B3GALT5: variants seen among roughly 807,000 people sequenced by gnomAD.
The protein encoded by B3GALT5 is UDP-Gal:betaGlcNAc beta 1,3-galactosyltransferase, polypeptide 5.
For synonymous variants in B3GALT5, 156 were observed against 158.6 expected, an observed-to-expected ratio of 0.98 and a Z score of 0.12; for missense variants, 328 against 396.6, an observed-to-expected ratio of 0.83 and a Z score of 1.47.
intron 1 of B3GALT5, among the ~76,000 whole-genome samples, chr21:39,629,905 C>A (rs1274366425): frequency 2.0e-5 from 3 of 152,078 alleles, no homozygotes; most frequent in African/African-American, 7.2e-5. Flanking sequence ...GTTATAATAC[C>A]AGTAATGCTG....
chr21:39,655,943 G>A (rs980468627), intron 2 of B3GALT5, among the ~76,000 whole-genome samples: 1 of 152,208 alleles, frequency 6.6e-6, no homozygotes, highest in African/African-American at 2.4e-5. Context: ...CCACTGAAAT[G>A]TTAAGGTGGG....
At chr21:39,617,114 T>C (rs1018132936) in intron 1 of B3GALT5, among the ~76,000 whole-genome samples, 1 of 152,198 alleles carries the variant, frequency 6.6e-6, no homozygotes, top group African/African-American at 2.4e-5. Flanking sequence ...TTTCATCCCT[T>C]CTCACTATCC....
chr21:39,624,665 GACAA>G (rs917072653), intron 1 of B3GALT5, among the ~76,000 whole-genome samples: 1 of 152,206 alleles, frequency 6.6e-6, no homozygotes, highest in Non-Finnish European at 1.5e-5. Context: ...ACATTCCATA[GACAA>G]TGCTGCACAG....
intron 1 of B3GALT5, among the ~76,000 whole-genome samples, chr21:39,645,842 C>T (rs1460411454): frequency 6.6e-6 from 1 of 151,986 alleles, no homozygotes; most frequent in Admixed American, 6.6e-5. Flanking sequence ...CTGTCCCGAC[C>T]CGGGGCAGAT....
At chr21:39,634,305 G>A (rs1000645588) in intron 1 of B3GALT5, among the ~76,000 whole-genome samples, 2 of 152,162 alleles carry the variant, frequency 1.3e-5, no homozygotes, top group Non-Finnish European at 2.9e-5. Flanking sequence ...AGAATAGGGT[G>A]GGAGGGAAAT....
chr21:39,613,788 T>C (rs1159326721), intron 1 of B3GALT5, among the ~76,000 whole-genome samples: 1 of 152,230 alleles, frequency 6.6e-6, no homozygotes, highest in Non-Finnish European at 1.5e-5. Context: ...GGTTTCTGAC[T>C]CTTGAGGGAT....
In B3GALT5 at chr21:39,660,798, G is replaced by T. The variant is rs900288886; in HGVS notation, c.239G>T (p.Trp80Leu). ...LAERMAIRQT[W>L]GKERMVKGKQ... ...GAGCGCATGGCCATCCGGCAGACGT[G>T]GGGGAAAGAGAGGATGGTGAAGGGA... Residue 80 changes from tryptophan (W) to leucine (L), a missense_variant, in exon 4 of 4, where the codon TGG becomes TTG. Trp to Leu is a moderately conservative substitution (Grantham distance 61). Coordinates refer to ENST00000684187, the MANE Select transcript of B3GALT5 (RefSeq NM_001356336.2). The T allele has an allele frequency of 1.3e-6, 2 of 1,583,548 alleles. No individual in the cohort carries two copies. Among genetic ancestry groups the T allele is most frequent in the Non-Finnish European group, 1.7e-6 (2 of 1,165,014 alleles).
At chr21:39,623,263 C>T (rs867879933) in intron 1 of B3GALT5, among the ~76,000 whole-genome samples, 12 of 132,436 alleles carry the variant, frequency 9.1e-5, no homozygotes, top group African/African-American at 3.4e-4. Flanking sequence ...TCCTTCCTTC[C>T]TTCCTTCCTT....
rs1355566260 is a variant in B3GALT5, at chr21:39,661,919, C to T, written c.*427C>T. ...CAGCCCCTGACTTGAACCACTCCCA[C>T]GTGCTGCCTCCCTTAGGAGGGGACA... On this transcript the variant is annotated 3_prime_UTR_variant, in exon 4 of 4. Transcript: ENST00000684187. This position sits in a 1 kb window ranked among gnomAD's most constrained non-coding sequence, Gnocchi z 4.7. The T allele has an allele frequency of 5.9e-6, 1 of 169,802 alleles. No individual in the cohort carries two copies. The highest frequency in any genetic ancestry group is 1.4e-5 in the Non-Finnish European group (1 of 70,086). The allele number at this position is 169,802 out of a possible 1,614,324, so 10.5% of individuals were successfully genotyped here. A position where few individuals can be genotyped will look rare whatever the true frequency, so the allele number is the denominator to read the frequency against.
chr21:39,657,870 C>G (rs2079463995), intron 2 of B3GALT5: 2 of 1,231,830 alleles, frequency 1.6e-6, no homozygotes, highest in East Asian at 3.2e-5. Flanking sequence ...GCCATACAGC[C>G]TGGTGGTCTA....
In B3GALT5 at chr21:39,661,632, T is replaced by C. The variant is rs2146222489; in HGVS notation, c.*140T>C. ...CGCCAGAATGTCGGTGTTCATGAAG[T>C]CACTGATTAGTTCCCACTTGGTGCC... is the stretch of plus-strand genomic sequence containing the variant. On this transcript the variant is annotated 3_prime_UTR_variant, in exon 4 of 4. Transcript: ENST00000684187. This position sits in a 1 kb window ranked among gnomAD's most constrained non-coding sequence, Gnocchi z 4.7. 1 of 840,440 alleles carries C rather than the reference T, an allele frequency of 1.2e-6. No individual in the cohort carries two copies. Among genetic ancestry groups the C allele is most frequent in the East Asian group, 2.9e-5 (1 of 34,898 alleles). The allele number at this position is 840,440 out of a possible 1,614,324, so 52.1% of individuals were successfully genotyped here.
At position 39,664,738 on chromosome 21, in the gene B3GALT5, G is replaced by A. The variant is rs1332684898; in HGVS notation, c.*3246G>A. On this transcript the variant is annotated 3_prime_UTR_variant, in exon 4 of 4. Coordinates refer to ENST00000684187, the MANE Select transcript of B3GALT5 (RefSeq NM_001356336.2). Reference sequence around the variant, plus strand: ...GGCACCCACCACCCCCTGTGGCTGGGTCCTGTGGGCAGTTCTTGTTCTCCT... The same window carrying A: ...GGCACCCACCACCCCCTGTGGCTGGATCCTGTGGGCAGTTCTTGTTCTCCT... 1.3e-5 allele frequency: 2 copies of A among 152,452 alleles called. No homozygotes were observed. Among genetic ancestry groups the A allele is most frequent in the African/African-American group, 4.8e-5 (2 of 41,322 alleles). The allele number at this position is 152,452 out of a possible 1,614,324, so 9.4% of individuals were successfully genotyped here.
At chr21:39,639,400 T>TTTTC (rs71330377) in intron 1 of B3GALT5, among the ~76,000 whole-genome samples, 7,264 of 56,898 alleles carry the variant, frequency 0.13, 670 homozygotes, top group Admixed American at 0.15. Flanking sequence ...CCTTCTTTCT[T>TTTTC]TTTCTTTCTT....
chr21:39,664,306 A>C lies in B3GALT5; in HGVS notation c.*2814A>C, dbSNP rs12329647. ...GACTCCCCCAACCATACACGCCTAC[A>C]CCCAGCCCCCAAACCTCCGTACTCT... On this transcript the variant is annotated 3_prime_UTR_variant, in exon 4 of 4. Transcript: ENST00000684187. 0.72 allele frequency: 109,670 copies of C among 151,832 alleles called. 40,720 individuals carry two copies. Among genetic ancestry groups the C allele is most frequent in the Non-Finnish European group, 0.81 (55,184 of 68,044 alleles). The allele number at this position is 151,832 out of a possible 1,614,324, so 9.4% of individuals were successfully genotyped here.
intron 1 of B3GALT5, among the ~76,000 whole-genome samples, chr21:39,616,608 G>T (rs1176002059): frequency 1.3e-5 from 2 of 152,084 alleles, no homozygotes; most frequent in Admixed American, 6.6e-5. Context: ...ACAAGGGCAG[G>T]TTCAGCTGAA....
intron 2 of B3GALT5, among the ~76,000 whole-genome samples, chr21:39,655,772 C>T (rs765838198): frequency 3.9e-5 from 6 of 152,126 alleles, no homozygotes; most frequent in Admixed American, 6.5e-5. Context: ...GCCAGGCTGG[C>T]GTCAGTCTGG....
intron 1 of B3GALT5, among the ~76,000 whole-genome samples, chr21:39,627,017 A>T (rs921181919): frequency 2.0e-5 from 3 of 151,958 alleles, no homozygotes; most frequent in African/African-American, 7.3e-5. Context: ...CATATCATGG[A>T]CTTTCTTCTT....
At chr21:39,629,841 T>C (rs2079182528) in intron 1 of B3GALT5, among the ~76,000 whole-genome samples, 1 of 152,238 alleles carries the variant, frequency 6.6e-6, no homozygotes, top group Admixed American at 6.5e-5. Context: ...AAGTAGGCTA[T>C]CATTTTTCTC....
intron 1 of B3GALT5, among the ~76,000 whole-genome samples, chr21:39,637,500 GC>G (rs2079236857): frequency 6.6e-6 from 1 of 152,214 alleles, no homozygotes; most frequent in Non-Finnish European, 1.5e-5. Context: ...AAAAATCTTT[GC>G]TGCTTCCCTG....
Sources: gnomAD v4.1 joint callset for allele counts (sites outside exome capture counted in the v4.1 genomes callset) on GRCh38, gnomAD v4.1.1 for gene constraint, Gnocchi (gnomAD v3.1) non-coding constraint, MANE v1.5 for transcripts, NCBI Gene and HGNC (gene_info 2026-07-23, HGNC 2026-07-21) for gene names.